The following STX7 variants were observed in gnomAD, a reference collection of about 807,000 sequenced individuals.
STX7 encodes the protein syntaxin 7, also known as syntaxin-7.
Under a neutral mutation model 39.6 loss-of-function variants are expected in STX7, and 34 were observed. That is an observed-to-expected ratio of 0.86 (90% confidence interval 0.65 to 1.14). STX7 has a LOEUF of 1.14. Ranked by LOEUF, STX7 falls within the 50% of genes most tolerant of loss-of-function variation. The pLI is 0.00. For missense variants in STX7, 284 were observed against 310.4 expected (o/e 0.92, Z 0.64); for synonymous variants, 119 against 99.1 (o/e 1.20, Z -1.19).
rs1774154525 is a variant in STX7 at position 132,452,467 on chromosome 6, C to T, written c.*8291G>A. On this transcript the variant is annotated 3_prime_UTR_variant, in exon 10 of 10. Coordinates refer to ENST00000367941, the MANE Select transcript of STX7 (RefSeq NM_003569.3). ...TATTCATTATTTGCAGATGACATGA[C>T]TATCTATATAAAAAAAAAATCCCAA... The T allele has an allele frequency of 7.3e-6, 1 of 137,462 alleles. No individual in the cohort carries two copies. The highest frequency in any genetic ancestry group is 2.6e-4 in the South Asian group (1 of 3,868). The allele number at this position is 137,462 out of a possible 1,614,324, so 8.5% of individuals were successfully genotyped here.
rs1224843683 is a variant in STX7 at position 132,457,277 on chromosome 6, C to T, written c.*3481G>A. The stretch of plus-strand genomic sequence containing the variant: ...AATTCACATTAAAGAAGTTTCCTAC[C>T]TATCTTGTGACCTCAGTGAATGAGA... On this transcript the variant is annotated 3_prime_UTR_variant, in exon 10 of 10. Transcript: ENST00000367941. The T allele has an allele frequency of 6.6e-6, 1 of 152,212 alleles. No individual in the cohort carries two copies. The highest frequency in any genetic ancestry group is 1.5e-5 in the Non-Finnish European group (1 of 68,050). The allele number at this position is 152,212 out of a possible 1,614,324, so 9.4% of individuals were successfully genotyped here.
intron 1 of STX7, among the ~76,000 whole-genome samples, chr6:132,507,518 T>C (rs939422168): frequency 6.6e-6 from 1 of 152,248 alleles, no homozygotes; most frequent in African/African-American, 2.4e-5. Context: ...TTTGTATCTT[T>C]ATAGCTTTGC....
chr6:132,462,612 T>C (rs186419484), intron 9 of STX7, among the ~76,000 whole-genome samples: 1,807 of 151,424 alleles, frequency 0.012, 15 homozygotes, highest in Non-Finnish European at 0.02. Flanking sequence ...TGTGTGTGTG[T>C]GTGTGTGTGT....
rs1292722283 is a variant in STX7 at position 132,446,571 on chromosome 6, C to T, written c.*14187G>A. The T allele has an allele frequency of 2.0e-5, 3 of 152,154 alleles. No individual in the cohort carries two copies. The highest frequency in any genetic ancestry group is 7.2e-5 in the African/African-American group (3 of 41,424). The allele number at this position is 152,154 out of a possible 1,614,324, so 9.4% of individuals were successfully genotyped here. A position where few individuals can be genotyped will look rare whatever the true frequency, so the allele number is the denominator to read the frequency against. ...TGTGCTGAATAAGATTTTGCTTTTT[C>T]TCAGGGCCCAGCATTTATTAAGCAC... On this transcript the variant is annotated 3_prime_UTR_variant, in exon 10 of 10. Coordinates refer to ENST00000367941, the MANE Select transcript of STX7 (RefSeq NM_003569.3).
chr6:132,467,579 T>C (rs1453298698), intron 8 of STX7, among the ~76,000 whole-genome samples: 1 of 152,202 alleles, frequency 6.6e-6, no homozygotes, highest in Non-Finnish European at 1.5e-5. Context: ...ATGCCTAGAT[T>C]TGTGTCTGGA....
intron 2 of STX7, among the ~76,000 whole-genome samples, chr6:132,500,944 G>A (rs1040929661): frequency 2.0e-5 from 3 of 152,056 alleles, no homozygotes; most frequent in African/African-American, 2.4e-5. Context: ...TGTAGCTTCC[G>A]TACATTTGTG....
At chr6:132,505,726 T>A in intron 1 of STX7, among the ~76,000 whole-genome samples, 2 of 104,324 alleles carry the variant, frequency 1.9e-5, no homozygotes, top group Middle Eastern at 7.6e-3. Flanking sequence ...TTTAAATGCA[T>A]CTCCAAGTCA....
intron 2 of STX7, among the ~76,000 whole-genome samples, chr6:132,483,618 T>C (rs1369963801): frequency 6.6e-6 from 1 of 152,232 alleles, no homozygotes; most frequent in Non-Finnish European, 1.5e-5. Context: ...TGGATGAGCA[T>C]TTTTATAGCA....
In STX7 at chr6:132,464,084, T is replaced by C; in HGVS notation, c.611-9A>G. On this transcript the variant is annotated splice_polypyrimidine_tract_variant and intron_variant, in intron 8 of 9. Transcript: ENST00000367941. Reference sequence around the variant, plus strand: ...ATTGGCTTCTATGCTATCTGTAAAATAAAACACACACACACAAATGTGTTA... The same window carrying C: ...ATTGGCTTCTATGCTATCTGTAAAACAAAACACACACACACAAATGTGTTA... 6.2e-7 allele frequency: 1 copy of C among 1,611,734 alleles called. No individual in the cohort carries two copies. Among genetic ancestry groups the C allele is most frequent in the Non-Finnish European group, 8.5e-7 (1 of 1,178,204 alleles).
At chr6:132,507,457 C>T (rs990009617) in intron 1 of STX7, among the ~76,000 whole-genome samples, 8 of 152,214 alleles carry the variant, frequency 5.3e-5, no homozygotes, top group East Asian at 1.9e-4. Flanking sequence ...CATTAGCAAT[C>T]GCTCTCCATT....
chr6:132,500,348 T>C (rs938757512), intron 2 of STX7, among the ~76,000 whole-genome samples: 3 of 152,218 alleles, frequency 2.0e-5, no homozygotes, highest in Admixed American at 6.5e-5. Context: ...TTGCCCCAGA[T>C]GCTGTGCTTC....
intron 1 of STX7, among the ~76,000 whole-genome samples, chr6:132,509,611 T>C (rs960572319): frequency 4.6e-5 from 7 of 152,152 alleles, no homozygotes; most frequent in Non-Finnish European, 8.8e-5. Context: ...AAGGAATATG[T>C]TTGGGATAAC....
chr6:132,488,931 G>C (rs1482684279), intron 2 of STX7, among the ~76,000 whole-genome samples: 1 of 152,178 alleles, frequency 6.6e-6, no homozygotes, highest in Non-Finnish European at 1.5e-5. Context: ...GCCAGGCGCA[G>C]TGGCTCGTGC....
Position 132,453,422 on chromosome 6 carries a change from C to CT in STX7, c.*7335dup, listed in dbSNP as rs1431788779. 2 of 151,970 alleles carry CT rather than the reference C, an allele frequency of 1.3e-5. No individual in the cohort carries two copies. Among genetic ancestry groups the CT allele is most frequent in the Non-Finnish European group, 2.9e-5 (2 of 67,930 alleles). The allele number at this position is 151,970 out of a possible 1,614,324, so 9.4% of individuals were successfully genotyped here. On this transcript the variant is annotated 3_prime_UTR_variant, in exon 10 of 10. Coordinates refer to ENST00000367941, the MANE Select transcript of STX7 (RefSeq NM_003569.3). The stretch of plus-strand genomic sequence containing the variant: ...TGGACTTCATCAAAATTAAACACTT[C>CT]TGCTCTGTGAAAGGCCCAGAAAAGA...
chr6:132,501,640 C>T (rs1775561104), intron 2 of STX7, among the ~76,000 whole-genome samples: 1 of 152,134 alleles, frequency 6.6e-6, no homozygotes, highest in Admixed American at 6.6e-5. Flanking sequence ...GCTACTTCTA[C>T]AATCTCAGTA....
Position 132,455,424 on chromosome 6 carries a change from T to C in STX7, c.*5334A>G, listed in dbSNP as rs1419367530. 6.6e-6 allele frequency: 1 copy of C among 152,188 alleles called. No individual in the cohort carries two copies. Among genetic ancestry groups the C allele is most frequent in the Non-Finnish European group, 1.5e-5 (1 of 68,024 alleles). The allele number at this position is 152,188 out of a possible 1,614,324, so 9.4% of individuals were successfully genotyped here. On this transcript the variant is annotated 3_prime_UTR_variant, in exon 10 of 10. Coordinates refer to ENST00000367941, the MANE Select transcript of STX7 (RefSeq NM_003569.3). ...GATACTTACAGTAAACACTTAAAAA[T>C]TTGTACTTTGGGTTGGCCAAAGTGG...
At chr6:132,469,487 A>G (rs549048213) in intron 7 of STX7, among the ~76,000 whole-genome samples, 56 of 152,244 alleles carry the variant, frequency 3.7e-4, no homozygotes, top group Admixed American at 1.5e-3. Context: ...TTATTTTTTT[A>G]AAAAAGGAAT....
rs184950913 is a variant in STX7, at chr6:132,461,197, G to C, written c.694-347C>G. Among the ~76,000 whole-genome samples the C allele has an allele frequency of 9.5e-4, 145 of 152,192 alleles. 1 individual carries two copies. Among genetic ancestry groups the C allele is most frequent in the African/African-American group, 3.3e-3 (137 of 41,552 alleles). ...GAGGTTACCTATGAATAAAAATAAA[G>C]AACAGCTTACGAGCTTAAACATTCT... On this transcript the variant is annotated intron_variant, in intron 9 of 9. Transcript: ENST00000367941.
At chr6:132,509,788 G>C (rs1182936862) in intron 1 of STX7, among the ~76,000 whole-genome samples, 1 of 152,122 alleles carries the variant, frequency 6.6e-6, no homozygotes, top group Non-Finnish European at 1.5e-5. Flanking sequence ...TACAAGCATA[G>C]ACAGACAGGA....
Sources: allele counts gnomAD v4.1 joint callset (sites outside exome capture counted in the v4.1 genomes callset), GRCh38; gene constraint gnomAD v4.1.1; transcripts MANE v1.5; gene names NCBI Gene and HGNC (gene_info 2026-07-23, HGNC 2026-07-21).